DPP10: variants seen among roughly 807,000 people sequenced by gnomAD.
The protein encoded by DPP10 is dipeptidyl peptidase like 10, also known as inactive dipeptidyl peptidase 10.
DPP10 carries 33 observed loss-of-function variants against 120.9 expected under a neutral mutation model. That is an observed-to-expected ratio of 0.27 (90% CI 0.21 to 0.37). DPP10 has a LOEUF of 0.37. Among genes scored for constraint, DPP10 ranks in the 10% least tolerant of loss-of-function variants. The probability of loss-of-function intolerance (pLI) is 1.00; values close to 1 mark genes in which losing one functional copy is unlikely to be tolerated. For synonymous variants in DPP10, 337 were observed against 326.1 expected, an observed-to-expected ratio of 1.03 and a Z score of -0.36; for missense variants, 816 against 942.8, an observed-to-expected ratio of 0.87 and a Z score of 1.76.
chr2:114,809,634 G>A (rs1376571073), intron 1 of DPP10, among the ~76,000 whole-genome samples: 3 of 152,164 alleles, frequency 2.0e-5, no homozygotes, highest in Non-Finnish European at 1.5e-5. Context: ...AGCCAATTGA[G>A]AAGCAGTGAA....
At chr2:115,165,843 CT>C (rs2052796186) in intron 1 of DPP10, among the ~76,000 whole-genome samples, 1 of 152,250 alleles carries the variant, frequency 6.6e-6, no homozygotes, top group Non-Finnish European at 1.5e-5. Context: ...AACCATCCCA[CT>C]TTTTAGAGTA....
intron 3 of DPP10, among the ~76,000 whole-genome samples, chr2:115,454,327 A>C (rs1437212883): frequency 6.6e-6 from 1 of 151,756 alleles, no homozygotes; most frequent in Non-Finnish European, 1.5e-5. Flanking sequence ...TAGAGGCGGA[A>C]GTCTTTAACA....
intron 8 of DPP10, among the ~76,000 whole-genome samples, chr2:115,729,257 A>G (rs1429785467): frequency 1.3e-5 from 2 of 152,198 alleles, no homozygotes; most frequent in African/African-American, 4.8e-5. Context: ...AAATCTGGTT[A>G]GTTCTGGCAG....
intron 8 of DPP10, among the ~76,000 whole-genome samples, chr2:115,731,748 G>C (rs1332050315): frequency 6.6e-6 from 1 of 152,168 alleles, no homozygotes; most frequent in Admixed American, 6.5e-5. Context: ...AGACTTCAGT[G>C]ATCTGTTTCC....
At chr2:114,522,095 T>C (rs1685112095) in intron 1 of DPP10, among the ~76,000 whole-genome samples, 1 of 147,612 alleles carries the variant, frequency 6.8e-6, no homozygotes, top group Non-Finnish European at 1.5e-5. Flanking sequence ...TTCTCCTGCC[T>C]CAGCCTCCCA....
At chr2:115,084,429 G>A (rs902986330) in intron 1 of DPP10, among the ~76,000 whole-genome samples, 2 of 152,288 alleles carry the variant, frequency 1.3e-5, no homozygotes, top group African/African-American at 2.4e-5. Context: ...TCAGGGAAAC[G>A]TCCAAGGTGT....
At chr2:115,309,590 A>G (rs990546666) in intron 2 of DPP10, among the ~76,000 whole-genome samples, 2 of 152,142 alleles carry the variant, frequency 1.3e-5, no homozygotes, top group Non-Finnish European at 2.9e-5. Context: ...TGAGAATGCC[A>G]AGGAGATTTT....
intron 8 of DPP10, among the ~76,000 whole-genome samples, chr2:115,731,031 C>T (rs2092894729): frequency 2.0e-5 from 3 of 152,056 alleles, no homozygotes; most frequent in South Asian, 4.1e-4. Context: ...TCAAGACCAG[C>T]CTGGGCAATA....
intron 4 of DPP10, among the ~76,000 whole-genome samples, chr2:115,521,774 G>T (rs1421790213): frequency 6.6e-6 from 1 of 151,980 alleles, no homozygotes; most frequent in African/African-American, 2.4e-5. Flanking sequence ...TTTTCACCCA[G>T]TTGCCAAGGT....
At chr2:114,912,130 T>C (rs1694414912) in intron 1 of DPP10, among the ~76,000 whole-genome samples, 1 of 151,902 alleles carries the variant, frequency 6.6e-6, no homozygotes, top group South Asian at 2.1e-4. Context: ...ATACATACAT[T>C]TGCACTCACA....
At chr2:114,900,293 C>G (rs1487355735) in intron 1 of DPP10, among the ~76,000 whole-genome samples, 1 of 152,152 alleles carries the variant, frequency 6.6e-6, no homozygotes, top group Non-Finnish European at 1.5e-5. Context: ...TGCACATCTG[C>G]TATTGGATGT....
At chr2:114,624,429 C>T (rs1470719329) in intron 1 of DPP10, among the ~76,000 whole-genome samples, 3 of 151,824 alleles carry the variant, frequency 2.0e-5, no homozygotes, top group Admixed American at 6.6e-5. Context: ...TTTAAAGTTG[C>T]CCCTAAATTA....
intron 1 of DPP10, among the ~76,000 whole-genome samples, chr2:114,758,485 GC>G (rs1318861996): frequency 6.6e-6 from 1 of 152,122 alleles, no homozygotes; most frequent in Non-Finnish European, 1.5e-5. Context: ...TCATTGCGTA[GC>G]TTCTGAGTAA....
chr2:115,607,775 T>A (rs1378939000), intron 5 of DPP10, among the ~76,000 whole-genome samples: 1 of 152,080 alleles, frequency 6.6e-6, no homozygotes, highest in African/African-American at 2.4e-5. Flanking sequence ...ATATAGTATA[T>A]GAGGAAAATT....
chr2:115,542,866 C>T (rs571047241), intron 5 of DPP10, among the ~76,000 whole-genome samples: 55 of 151,934 alleles, frequency 3.6e-4, no homozygotes, highest in Admixed American at 8.6e-4. Context: ...CCCTTCCCTA[C>T]GTGTGTAGCA....
chr2:114,777,500 T>A (rs185525927), intron 1 of DPP10, among the ~76,000 whole-genome samples: 76 of 151,354 alleles, frequency 5.0e-4, no homozygotes, highest in Non-Finnish European at 1.0e-4. Flanking sequence ...CCTATTTCAG[T>A]CCTTCATATT....
At chr2:115,002,341 C>T (rs139607503) in intron 1 of DPP10, among the ~76,000 whole-genome samples, 89 of 152,070 alleles carry the variant, frequency 5.9e-4, no homozygotes, top group African/African-American at 1.4e-3. Context: ...TGAAAATGAC[C>T]GCTTCCTCAT....
rs70941024 is a variant in DPP10 at position 115,059,352 on chromosome 2, CTTTTTT to C, written c.61-249876_61-249871del. Reference sequence around the variant, plus strand: ...TTGATAAACATTACAGTAGGTATTTCTTTTTTTTTTTTTTTTGCCTATATAATATGC... The same window carrying C: ...TTGATAAACATTACAGTAGGTATTTCTTTTTTTTTTGCCTATATAATATGC... On this transcript the variant is annotated intron_variant, in intron 1 of 25. Coordinates refer to ENST00000410059, the MANE Select transcript of DPP10 (RefSeq NM_020868.6). Among the ~76,000 whole-genome samples the C allele has an allele frequency of 5.2e-5, 7 of 135,764 alleles. No homozygotes were observed. In the East Asian group the frequency reaches 8.7e-4, roughly 17 times the overall value. 89.1% of individuals were successfully genotyped at this position (135,764 alleles called of 152,430 possible). A position where few individuals can be genotyped will look rare whatever the true frequency, so the allele number is the denominator to read the frequency against.
intron 1 of DPP10, among the ~76,000 whole-genome samples, chr2:114,883,563 G>T (rs750690677): frequency 1.3e-5 from 2 of 152,082 alleles, no homozygotes; most frequent in Non-Finnish European, 2.9e-5. Context: ...CATTTTTCCT[G>T]GCCTCTTTCA....
Sources: gnomAD v4.1 joint callset for allele counts (sites outside exome capture counted in the v4.1 genomes callset) on GRCh38, gnomAD v4.1.1 for gene constraint, MANE v1.5 for transcripts, NCBI Gene and HGNC (gene_info 2026-07-23, HGNC 2026-07-21) for gene names.